The following XRCC4 variants were observed in gnomAD, a reference collection of about 807,000 sequenced individuals.
The protein encoded by XRCC4 is DNA repair protein XRCC4.
In XRCC4, 28 loss-of-function variants were observed where a neutral mutation model predicts 39.1. That is an observed-to-expected ratio of 0.72 (90% CI 0.53 to 0.98). XRCC4 has a LOEUF of 0.98. Among genes scored for constraint, XRCC4 ranks in the 50% least tolerant of loss-of-function variants. The pLI is 0.00. For missense variants in XRCC4, 350 were observed against 376.4 expected (o/e 0.93, Z 0.58); for synonymous variants, 123 against 126.4 (o/e 0.97, Z 0.18).
At chr5:83,356,421 G>A (rs2112245719), downstream of XRCC4, among the ~76,000 whole-genome samples, 1 of 152,162 alleles carries the variant, frequency 6.6e-6, no homozygotes, top group Admixed American at 6.5e-5. Flanking sequence ...ATGTAGGGAA[G>A]GTATTTCCCA....
intron 7 of XRCC4, among the ~76,000 whole-genome samples, chr5:83,350,379 C>A (rs1757043593): frequency 6.6e-6 from 1 of 152,208 alleles, no homozygotes; most frequent in African/African-American, 2.4e-5. Flanking sequence ...TACATTCCCA[C>A]CAACAATGTA....
intron 3 of XRCC4, among the ~76,000 whole-genome samples, chr5:83,159,748 T>C (rs1437359872): frequency 6.6e-6 from 1 of 152,194 alleles, no homozygotes; most frequent in Admixed American, 6.5e-5. Context: ...GCTCAATGCA[T>C]TGAAACATTG....
At chr5:83,365,688 T>C in the XRCC4 span, among the ~76,000 whole-genome samples, 6 of 152,178 alleles carry the variant, frequency 3.9e-5, no homozygotes, top group Non-Finnish European at 8.8e-5. Flanking sequence ...AATCATCCCC[T>C]AGATTCATTA....
chr5:83,288,953 T>A (rs1052759113), intron 7 of XRCC4, among the ~76,000 whole-genome samples: 1 of 151,904 alleles, frequency 6.6e-6, no homozygotes, highest in Admixed American at 6.6e-5. Flanking sequence ...TTGGATATTC[T>A]GTTCTATTTT....
At chr5:83,079,743 A>T (rs1038847818) in intron 1 of XRCC4, among the ~76,000 whole-genome samples, 1 of 152,004 alleles carries the variant, frequency 6.6e-6, no homozygotes, top group South Asian at 2.1e-4. Context: ...TATGTTGCCT[A>T]GGCTGGTCTC....
chr5:83,274,800 G>C (rs886510153), intron 7 of XRCC4, among the ~76,000 whole-genome samples: 2 of 152,122 alleles, frequency 1.3e-5, no homozygotes, highest in Non-Finnish European at 2.9e-5. Context: ...AGTGGTCTGT[G>C]ATGTATGTAT....
In XRCC4 at chr5:83,109,898, T is replaced by C. The variant is rs143642248; in HGVS notation, c.140-1130T>C. Among the ~76,000 whole-genome samples the C allele has an allele frequency of 9.1e-4, 138 of 151,980 alleles. 1 individual carries two copies. Among genetic ancestry groups the C allele is most frequent in the South Asian group, 5.6e-3 (27 of 4,820 alleles). On this transcript the variant is annotated intron_variant, in intron 2 of 7. Coordinates refer to ENST00000396027, the MANE Select transcript of XRCC4 (RefSeq NM_003401.5). ...AATAATCTTTTAAAAAAACTACTAC[T>C]CTCTGTCCAGAGGATGCAGCATAAA...
At chr5:83,307,219 G>A (rs935958549) in intron 7 of XRCC4, among the ~76,000 whole-genome samples, 1 of 152,176 alleles carries the variant, frequency 6.6e-6, no homozygotes, top group African/African-American at 2.4e-5. Context: ...AACTAGTAAT[G>A]TTTACTCATT....
Position 83,088,837 on chromosome 5 carries a change from T to A in XRCC4, c.-11+11222T>A, listed in dbSNP as rs767016521. Among the ~76,000 whole-genome samples the A allele has an allele frequency of 3.0e-4, 46 of 152,326 alleles. No individual in the cohort carries two copies. In the Middle Eastern group the frequency reaches 0.01, roughly 34 times the overall value. ...CTGAAGTTTAAAGATTATTGATAAT[T>A]TGACTTCATTTTCACTTCATTGTAC... On this transcript the variant is annotated intron_variant, in intron 1 of 7. Transcript: ENST00000396027.
chr5:83,218,486 A>T (rs1229449503), intron 6 of XRCC4, among the ~76,000 whole-genome samples: 1 of 152,126 alleles, frequency 6.6e-6, no homozygotes, highest in Non-Finnish European at 1.5e-5. Context: ...GAGGACATGT[A>T]CTAAATATGA....
chr5:83,225,763 A>G (rs747743837), intron 6 of XRCC4, among the ~76,000 whole-genome samples: 4 of 151,902 alleles, frequency 2.6e-5, no homozygotes, highest in East Asian at 1.9e-4. Flanking sequence ...CAGGCTATCA[A>G]TTAGCCACTG....
chr5:83,215,307 C>T (rs931113292), intron 6 of XRCC4, among the ~76,000 whole-genome samples: 1 of 152,032 alleles, frequency 6.6e-6, no homozygotes, highest in African/African-American at 2.4e-5. Flanking sequence ...CCACTGCAGT[C>T]CAGCCTGGGT....
At chr5:83,113,619 CTTTCT>C (rs1377661159) in intron 3 of XRCC4, among the ~76,000 whole-genome samples, 1 of 150,406 alleles carries the variant, frequency 6.6e-6, no homozygotes, top group Non-Finnish European at 1.5e-5. Context: ...CCAAACATTT[CTTTCT>C]TTTTTTTTTT....
intron 6 of XRCC4, among the ~76,000 whole-genome samples, chr5:83,226,924 T>C (rs774485812): frequency 6.6e-6 from 1 of 152,112 alleles, no homozygotes; most frequent in Non-Finnish European, 1.5e-5. Flanking sequence ...TTTTCAAATA[T>C]TGATTCTATC....
intron 1 of XRCC4, among the ~76,000 whole-genome samples, chr5:83,083,799 T>C (rs1745065711): frequency 6.6e-6 from 1 of 152,192 alleles, no homozygotes; most frequent in South Asian, 2.1e-4. Context: ...TCATGCAGAC[T>C]CTTCTATTTG....
intron 6 of XRCC4, among the ~76,000 whole-genome samples, chr5:83,215,569 C>A (rs1751826452): frequency 6.6e-6 from 1 of 151,960 alleles, no homozygotes. Flanking sequence ...GATATAATAA[C>A]CAAGATGATG....
chr5:83,138,081 G>C (rs545356603), intron 3 of XRCC4, among the ~76,000 whole-genome samples: 2 of 152,252 alleles, frequency 1.3e-5, no homozygotes, highest in Admixed American at 6.5e-5. Flanking sequence ...AACTCACAGG[G>C]TTTTATGCTT....
intron 6 of XRCC4, among the ~76,000 whole-genome samples, chr5:83,216,452 C>G (rs920426770): frequency 8.5e-5 from 13 of 152,164 alleles, no homozygotes; most frequent in African/African-American, 2.9e-4. Flanking sequence ...CCTAGCTATT[C>G]TACTTCTAAG....
At chr5:83,218,080 T>G (rs199970852) in intron 6 of XRCC4, among the ~76,000 whole-genome samples, 3 of 129,186 alleles carry the variant, frequency 2.3e-5, no homozygotes, top group African/African-American at 1.1e-4. Flanking sequence ...ATATATATAT[T>G]TATTAGATTT....
Sources: gnomAD v4.1 joint callset for allele counts (sites outside exome capture counted in the v4.1 genomes callset) on GRCh38, gnomAD v4.1.1 for gene constraint, MANE v1.5 for transcripts, NCBI Gene and HGNC (gene_info 2026-07-23, HGNC 2026-07-21) for gene names.